CNTNAP5: variants seen among roughly 807,000 people sequenced by gnomAD.
CNTNAP5 encodes contactin associated protein family member 5, also known as contactin-associated protein-like 5.
Under a neutral mutation model 150.2 loss-of-function variants are expected in CNTNAP5, and 72 were observed. The observed-to-expected ratio is 0.48, with a 90% CI of 0.40 to 0.58. CNTNAP5 has a LOEUF of 0.58. Ranked by LOEUF, CNTNAP5 falls within the 20% of genes least tolerant of loss-of-function variation. The pLI, the probability that CNTNAP5 is intolerant of heterozygous loss-of-function variation, is 0.00. For synonymous variants in CNTNAP5, 672 were observed against 619.8 expected (o/e 1.08, Z -1.25); for missense variants, 1,636 against 1,626.2 (o/e 1.01, Z -0.10).
chr2:124,458,851 G>A (rs1280542449), intron 6 of CNTNAP5, among the ~76,000 whole-genome samples: 1 of 152,024 alleles, frequency 6.6e-6, no homozygotes, highest in South Asian at 2.1e-4. Flanking sequence ...AATAAAAAAA[G>A]AAATGCTAAT....
At chr2:124,431,878 G>T (rs1692397357) in intron 4 of CNTNAP5, among the ~76,000 whole-genome samples, 2 of 152,034 alleles carry the variant, frequency 1.3e-5, no homozygotes, top group Non-Finnish European at 1.5e-5. Flanking sequence ...TCAGACACCT[G>T]GTGAGTAGTA....
intron 8 of CNTNAP5, among the ~76,000 whole-genome samples, chr2:124,521,661 G>T (rs1391460755): frequency 6.6e-6 from 1 of 152,132 alleles, no homozygotes; most frequent in African/African-American, 2.4e-5. Flanking sequence ...TTGGCCTTTA[G>T]GGAGTATTTA....
At chr2:124,344,535 C>T (rs773569042) in intron 3 of CNTNAP5, among the ~76,000 whole-genome samples, 11 of 152,016 alleles carry the variant, frequency 7.2e-5, no homozygotes, top group South Asian at 2.1e-4. Context: ...TGTGGGAGGC[C>T]GAGGCAGGAG....
Position 124,025,351 on chromosome 2 carries a change from C to A in CNTNAP5, c.-300C>A, listed in dbSNP as rs549879289. 4.9e-4 allele frequency: 172 copies of A among 354,460 alleles called. 1 individual carries two copies. The highest frequency in any genetic ancestry group is 3.2e-3 in the African/African-American group (155 of 48,546). 22.0% of individuals were successfully genotyped at this position (354,460 alleles called of 1,614,324 possible). On this transcript the variant is annotated 5_prime_UTR_variant, in exon 1 of 24. Coordinates refer to ENST00000682447, the MANE Select transcript of CNTNAP5 (RefSeq NM_001367498.1). Reference sequence around the variant, plus strand: ...CCACCGAGCTCCGGCGCCTGTCGTTCTAATTGGGTTTGGATTTGCACCGTT... The same window carrying A: ...CCACCGAGCTCCGGCGCCTGTCGTTATAATTGGGTTTGGATTTGCACCGTT...
intron 1 of CNTNAP5, among the ~76,000 whole-genome samples, chr2:124,037,321 C>T (rs1043479165): frequency 2.0e-5 from 3 of 152,126 alleles, no homozygotes; most frequent in African/African-American, 7.2e-5. Flanking sequence ...AATATTTCAC[C>T]CCTAAAGAAT....
chr2:124,274,097 T>C (rs1235178135), intron 3 of CNTNAP5, among the ~76,000 whole-genome samples: 1 of 152,214 alleles, frequency 6.6e-6, no homozygotes, highest in Non-Finnish European at 1.5e-5. Context: ...ATTATTTCAA[T>C]ATATGATAAT....
chr2:124,683,048 T>C (rs1679105826), intron 13 of CNTNAP5, among the ~76,000 whole-genome samples: 1 of 152,214 alleles, frequency 6.6e-6, no homozygotes, highest in Admixed American at 6.5e-5. Context: ...GTTGTGTATG[T>C]CTTGTGAACA....
chr2:124,671,192 T>C (rs939650778), intron 13 of CNTNAP5, among the ~76,000 whole-genome samples: 5 of 152,232 alleles, frequency 3.3e-5, no homozygotes, highest in Non-Finnish European at 7.3e-5. Flanking sequence ...AAGAAATGTT[T>C]AGAAAGTTTC....
intron 2 of CNTNAP5, among the ~76,000 whole-genome samples, chr2:124,222,340 A>G (rs974752994): frequency 5.9e-5 from 9 of 151,988 alleles, no homozygotes; most frequent in Admixed American, 5.3e-4. Flanking sequence ...AAGTAAGAGC[A>G]CCTCCTTAAC....
intron 6 of CNTNAP5, among the ~76,000 whole-genome samples, chr2:124,463,096 A>T (rs180770780): frequency 1.3e-5 from 2 of 152,342 alleles, no homozygotes; most frequent in East Asian, 3.9e-4. Flanking sequence ...TGACCGAGGA[A>T]GACCACAGTG....
intron 13 of CNTNAP5, among the ~76,000 whole-genome samples, chr2:124,742,195 T>G (rs975653647): frequency 3.3e-5 from 5 of 152,224 alleles, no homozygotes; most frequent in Non-Finnish European, 7.3e-5. Context: ...CATACCCTTA[T>G]GCAGTCTGCT....
intron 13 of CNTNAP5, among the ~76,000 whole-genome samples, chr2:124,687,238 G>T (rs144212249): frequency 6.6e-6 from 1 of 151,846 alleles, no homozygotes; most frequent in Non-Finnish European, 1.5e-5. Context: ...TCCCACACAA[G>T]TTCTTCTGCT....
chr2:124,439,636 C>T (rs1414104585), intron 5 of CNTNAP5, among the ~76,000 whole-genome samples: 1 of 152,124 alleles, frequency 6.6e-6, no homozygotes, highest in Non-Finnish European at 1.5e-5. Flanking sequence ...TAGAGACTTG[C>T]TCTGGATTGA....
chr2:124,872,407 TGTGTGTGTGC>T (rs1454832259), intron 21 of CNTNAP5, among the ~76,000 whole-genome samples: 1 of 148,688 alleles, frequency 6.7e-6, no homozygotes. Context: ...TGTGTGTGTG[TGTGTGTGTGC>T]GTGCATGTGC....
intron 13 of CNTNAP5, among the ~76,000 whole-genome samples, chr2:124,650,437 A>G (rs1471147612): frequency 6.6e-6 from 1 of 152,200 alleles, no homozygotes; most frequent in South Asian, 2.1e-4. Context: ...GGGAAAAACA[A>G]TATATAACAT....
At chr2:124,497,289 G>A (rs1694172000) in intron 7 of CNTNAP5, among the ~76,000 whole-genome samples, 2 of 152,242 alleles carry the variant, frequency 1.3e-5, no homozygotes, top group African/African-American at 4.8e-5. Context: ...CAAAATAACT[G>A]ACCAATGTTT....
intron 1 of CNTNAP5, among the ~76,000 whole-genome samples, chr2:124,068,145 A>G (rs1682210343): frequency 6.6e-6 from 1 of 151,336 alleles, no homozygotes; most frequent in South Asian, 2.1e-4. Flanking sequence ...GGCGAGAATC[A>G]CACTACCTAT....
intron 13 of CNTNAP5, among the ~76,000 whole-genome samples, chr2:124,650,494 C>T (rs774840097): frequency 3.3e-5 from 5 of 152,236 alleles, no homozygotes; most frequent in Admixed American, 6.5e-5. Flanking sequence ...CATACACCTA[C>T]ATGAATGTTT....
chr2:124,207,005 T>C (rs1453385283), intron 1 of CNTNAP5, among the ~76,000 whole-genome samples: 1 of 152,240 alleles, frequency 6.6e-6, no homozygotes, highest in Non-Finnish European at 1.5e-5. Context: ...CAACTCTGTA[T>C]GGCAAATATG....
Sources: allele counts gnomAD v4.1 joint callset (sites outside exome capture counted in the v4.1 genomes callset), GRCh38; gene constraint gnomAD v4.1.1; transcripts MANE v1.5; gene names NCBI Gene and HGNC (gene_info 2026-07-23, HGNC 2026-07-21).